The following BBS1 variants were observed in gnomAD, a reference collection of about 807,000 sequenced individuals.
BBS1 encodes BBSome complex member BBS1.
A neutral mutation model predicts 73.9 loss-of-function variants in BBS1; 60 were observed. The ratio of observed to expected loss-of-function variants is 0.81; its 90% CI spans 0.66 to 1.01. The LOEUF is 1.01. BBS1 is among the 50% of genes least tolerant of loss of function. The pLI, the probability that BBS1 is intolerant of heterozygous loss-of-function variation, is 0.00. For missense variants in BBS1, 718 were observed against 770.3 expected (o/e 0.93, Z 0.80); for synonymous variants, 283 against 317.4 (o/e 0.89, Z 1.15).
Position 66,532,215 on chromosome 11 carries a change from T to C in BBS1, c.*178T>C. The C allele has an allele frequency of 1.9e-5, 13 of 667,438 alleles. No individual in the cohort carries two copies. The South Asian group carries it at 2.5e-4, about 13-fold the overall frequency. 41.3% of individuals were successfully genotyped at this position (667,438 alleles called of 1,614,324 possible). A position where few individuals can be genotyped will look rare whatever the true frequency, so the allele number is the denominator to read the frequency against. ...GGGCCTATAGTAGCAGGTTAGTGAG[T>C]ACCTAGGGCGGCTCAACTCCTCCCA... On this transcript the variant is annotated 3_prime_UTR_variant, in exon 17 of 17. Transcript: ENST00000318312.
chr11:66,533,330 C>G lies in BBS1; in HGVS notation c.*1293C>G, dbSNP rs1307420551. 6.6e-6 allele frequency: 1 copy of G among 152,220 alleles called. No individual in the cohort carries two copies. The highest frequency in any genetic ancestry group is 1.5e-5 in the Non-Finnish European group (1 of 68,040). The allele number at this position is 152,220 out of a possible 1,614,324, so 9.4% of individuals were successfully genotyped here. A position where few individuals can be genotyped will look rare whatever the true frequency, so the allele number is the denominator to read the frequency against. ...ACAAGAAAACAGTCTCTCCCATTCT[C>G]TAGTACTGCTCCCCTACCCAGCAGT... is the stretch of plus-strand genomic sequence containing the variant. On this transcript the variant is annotated 3_prime_UTR_variant, in exon 17 of 17. Transcript: ENST00000318312.
At chr11:66,523,426 G>A (rs925660059) in intron 9 of BBS1, 30 bp from the exon 10 acceptor site, 2 of 1,614,088 alleles carry the variant, frequency 1.2e-6, no homozygotes, top group Non-Finnish European at 1.7e-6. Context: ...GATTTCTCTG[G>A]GGCCAGACAG....
At chr11:66,515,399 C>G (rs769860642) in intron 4 of BBS1, 141 bp from the exon 5 acceptor site, 1 of 872,780 alleles carries the variant, frequency 1.1e-6, no homozygotes, top group Non-Finnish European at 1.9e-6. Flanking sequence ...AGGACGTGAG[C>G]TTGGTGCTCA....
At chr11:66,530,520 A>G (rs1173403485) in intron 14 of BBS1, among the ~76,000 whole-genome samples, 2 of 152,176 alleles carry the variant, frequency 1.3e-5, no homozygotes, top group African/African-American at 4.8e-5. Context: ...TAAAGAGTGG[A>G]TAGATGCAGA....
At chr11:66,511,324 A>C (rs1565280461) in intron 3 of BBS1, 85 bp downstream of exon 3, 6 of 1,511,900 alleles carry the variant, frequency 4.0e-6, no homozygotes, top group Non-Finnish European at 4.6e-6. Flanking sequence ...AAATAGGCCC[A>C]GCATACTCTG....
chr11:66,523,869 T>A lies in BBS1; in HGVS notation c.1097T>A (p.Val366Asp). The A allele has an allele frequency of 6.2e-7, 1 of 1,613,338 alleles. No homozygotes were observed. The highest frequency in any genetic ancestry group is 1.7e-5 in the Admixed American group (1 of 60,024). Residue 366 changes from valine to aspartate, a missense_variant, in exon 11 of 17, where the codon GTC becomes GAC. By Grantham distance (152) the Val-to-Asp change is radical. Coordinates refer to ENST00000318312, the MANE Select transcript of BBS1 (RefSeq NM_024649.5). ...RIYRDKALLN[V>D]IHTPDAVTSL... Reference sequence around the variant, plus strand: ...TATCGTGACAAGGCCCTGCTCAATGTCATCCACACCCCGGTGAGCCCCATC... The same window carrying A: ...TATCGTGACAAGGCCCTGCTCAATGACATCCACACCCCGGTGAGCCCCATC...
intron 15 of BBS1, 38 bp from the exon 16 acceptor site, chr11:66,531,618 G>C: frequency 6.2e-7 from 1 of 1,613,838 alleles, no homozygotes; most frequent in Non-Finnish European, 8.5e-7. Flanking sequence ...ACACTGGCAC[G>C]AGGGCTGGTT....
chr11:66,510,786 T>C, intron 1 of BBS1, 80 bp downstream of exon 1: 6 of 1,585,744 alleles, frequency 3.8e-6, no homozygotes, highest in Non-Finnish European at 5.2e-6. Flanking sequence ...GGGCTCCTGC[T>C]GTTCTCGGGC....
At chr11:66,526,035 A>T in intron 11 of BBS1, 88 bp from the exon 12 acceptor site, 1 of 1,162,000 alleles carries the variant, frequency 8.6e-7, no homozygotes, top group Non-Finnish European at 1.3e-6. Flanking sequence ...CTTCTCACCT[A>T]TTATATCTGG....
chr11:66,527,437 G>C (rs1164761532), intron 13 of BBS1: 7 of 255,340 alleles, frequency 2.7e-5, no homozygotes, highest in African/African-American at 1.4e-4. Flanking sequence ...TTGGGAGGCG[G>C]AGATGGGCAG....
intron 8 of BBS1, chr11:66,520,988 G>C (rs1205337456): frequency 2.2e-6 from 1 of 449,962 alleles, no homozygotes; most frequent in East Asian, 4.6e-5. Flanking sequence ...CAAAGTGTTG[G>C]GATTACAGGT....
At chr11:66,529,395 T>C in intron 13 of BBS1, 1 of 1,273,712 alleles carries the variant, frequency 7.9e-7, no homozygotes, top group Non-Finnish European at 1.1e-6. Flanking sequence ...GCGAGGGTGC[T>C]CACTAAGCTG....
chr11:66,529,154 C>G (rs1397323206), intron 13 of BBS1: 1 of 977,528 alleles, frequency 1.0e-6, no homozygotes, highest in Non-Finnish European at 1.2e-6. Context: ...GCCTGGGGGA[C>G]CGAGGTGCCC....
At chr11:66,529,177 G>A (rs903869026) in intron 13 of BBS1, 11 of 1,450,990 alleles carry the variant, frequency 7.6e-6, no homozygotes, top group Non-Finnish European at 1.0e-5. Flanking sequence ...TCTGGAAGAG[G>A]AGGGACAGTG....
chr11:66,519,642 TGAA>T lies in BBS1; in HGVS notation c.624_626del (p.Lys208del), dbSNP rs1445577378. Reference sequence around the variant, plus strand: ...ACAGTCATCACCACCATGACCACCTTGAAGAAGAACCTGGCTGACGAGGATGCT... The same window carrying T: ...ACAGTCATCACCACCATGACCACCTTGAAGAACCTGGCTGACGAGGATGCT... On this transcript the variant is annotated inframe_deletion, in exon 8 of 17. Transcript: ENST00000318312. 1.2e-6 allele frequency: 2 copies of T among 1,613,726 alleles called. No homozygotes were observed. The highest frequency in any genetic ancestry group is 1.7e-6 in the Non-Finnish European group (2 of 1,179,924).
At chr11:66,519,895 T>G (rs1590760825) in intron 8 of BBS1, 147 bp downstream of exon 8, 3 of 1,045,462 alleles carry the variant, frequency 2.9e-6, no homozygotes, top group African/African-American at 3.2e-5. Flanking sequence ...TATCCAAAAA[T>G]CCTACCGCCT....
At chr11:66,514,713 G>A in intron 4 of BBS1, 35 bp downstream of exon 4, 1 of 1,603,272 alleles carries the variant, frequency 6.2e-7, no homozygotes, top group South Asian at 1.1e-5. Flanking sequence ...GAACCAGAAG[G>A]CAAAGATGGC....
chr11:66,511,113 C>A lies in BBS1; in HGVS notation c.124+24C>A, dbSNP rs756273063. 8 of 1,613,870 alleles carry A rather than the reference C, an allele frequency of 5.0e-6. No homozygotes were observed. The East Asian group carries it at 1.1e-4, about 22-fold the overall frequency. On this transcript the variant is annotated intron_variant, in intron 2 of 16. Coordinates refer to ENST00000318312, the MANE Select transcript of BBS1 (RefSeq NM_024649.5). Reference sequence around the variant, plus strand: ...AGGTGAGTCTCTGGAACCAGGAACCCTGGGTTCTAGTGGGATGGGGAGTCA... The same window carrying A: ...AGGTGAGTCTCTGGAACCAGGAACCATGGGTTCTAGTGGGATGGGGAGTCA...
intron 12 of BBS1, 85 bp from the exon 13 acceptor site, chr11:66,526,549 AGAAGCAACTCTATAG>A: frequency 2.0e-6 from 3 of 1,489,964 alleles, no homozygotes; most frequent in Non-Finnish European, 2.8e-6. Flanking sequence ...GGATGTGTAC[AGAAGCAACTCTATAG>A]GAGGCAGATT....
Sources: gnomAD v4.1 joint callset for allele counts (sites outside exome capture counted in the v4.1 genomes callset) on GRCh38, gnomAD v4.1.1 for gene constraint, MANE v1.5 for transcripts, NCBI Gene and HGNC (gene_info 2026-07-23, HGNC 2026-07-21) for gene names.